The following CDH9 variants were observed in gnomAD, a reference collection of about 807,000 sequenced individuals.
CDH9 encodes the protein cadherin-9.
CDH9 carries 28 observed loss-of-function variants against 70.9 expected under a neutral mutation model. The observed-to-expected ratio is 0.40, with a 90% CI of 0.29 to 0.54. The LOEUF (loss-of-function observed/expected upper bound fraction) is 0.54, where lower values mean the gene tolerates loss of function less well. Among genes scored for constraint, CDH9 ranks in the 20% least tolerant of loss-of-function variants. The probability of loss-of-function intolerance (pLI) is 0.59; values close to 1 mark genes in which losing one functional copy is unlikely to be tolerated. For synonymous variants in CDH9, 409 were observed against 343.1 expected, an observed-to-expected ratio of 1.19 and a Z score of -2.12; for missense variants, 874 against 984.4, an observed-to-expected ratio of 0.89 and a Z score of 1.50.
chr5:26,939,594 T>G (rs183821349), intron 2 of CDH9, among the ~76,000 whole-genome samples: 1 of 152,094 alleles, frequency 6.6e-6, no homozygotes, highest in Non-Finnish European at 1.5e-5. Context: ...ATGTGTGAAT[T>G]TATTCAAAAA....
intron 1 of CDH9, among the ~76,000 whole-genome samples, chr5:26,992,093 C>A (rs1742587926): frequency 6.6e-6 from 1 of 152,108 alleles, no homozygotes; most frequent in Admixed American, 6.5e-5. Flanking sequence ...CAGCACGCAA[C>A]CTAGATCCCT....
intron 1 of CDH9, among the ~76,000 whole-genome samples, chr5:27,008,310 T>G (rs1320373910): frequency 6.6e-6 from 1 of 151,944 alleles, no homozygotes; most frequent in Non-Finnish European, 1.5e-5. Flanking sequence ...GCCAACATGA[T>G]GAAACCCCAT....
At chr5:27,036,039 A>G (rs776233431) in intron 1 of CDH9, among the ~76,000 whole-genome samples, 8 of 151,976 alleles carry the variant, frequency 5.3e-5, no homozygotes, top group Admixed American at 2.6e-4. Flanking sequence ...ATATGTTGCC[A>G]CATTAATTGC....
intron 2 of CDH9, among the ~76,000 whole-genome samples, chr5:26,966,733 T>C (rs982136456): frequency 2.0e-5 from 3 of 152,172 alleles, no homozygotes; most frequent in Non-Finnish European, 4.4e-5. Flanking sequence ...TTAAGCTCTG[T>C]GATATTACAT....
chr5:26,946,297 ATTGT>A (rs1741751940), intron 2 of CDH9, among the ~76,000 whole-genome samples: 1 of 151,980 alleles, frequency 6.6e-6, no homozygotes, highest in Admixed American at 6.6e-5. Context: ...TGCATTCTTG[ATTGT>A]TTGTATGCTT....
intron 2 of CDH9, among the ~76,000 whole-genome samples, chr5:26,922,774 TAAAA>T (rs777471100): frequency 3.3e-5 from 5 of 151,734 alleles, no homozygotes; most frequent in Non-Finnish European, 5.9e-5. Context: ...AACAACCAAT[TAAAA>T]ATAACTACAA....
chr5:27,020,047 C>T (rs966356096), intron 1 of CDH9, among the ~76,000 whole-genome samples: 4 of 151,688 alleles, frequency 2.6e-5, no homozygotes, highest in African/African-American at 9.7e-5. Flanking sequence ...TTTGTTCTGA[C>T]TGCACTGTGA....
chr5:26,968,810 A>G (rs1742170542), intron 2 of CDH9, among the ~76,000 whole-genome samples: 2 of 152,188 alleles, frequency 1.3e-5, no homozygotes, highest in South Asian at 4.1e-4. Flanking sequence ...GGATAGAAGT[A>G]TTAGTACTGT....
rs143657221 is a variant in CDH9, at chr5:26,945,320, G to A, written c.229-29396C>T. ...TCTTACAAGCTTTAACTCAAGAATT[G>A]TTTTATTTTTTCATTAAAATAATGC... On this transcript the variant is annotated intron_variant, in intron 2 of 11. Coordinates refer to ENST00000231021, the MANE Select transcript of CDH9 (RefSeq NM_016279.4). 1.0e-3 allele frequency among the ~76,000 whole-genome samples: 157 copies of A among 151,056 alleles called. 2 individuals carry two copies. The East Asian group carries it at 0.022, about 22-fold the overall frequency.
At position 26,915,884 on chromosome 5, in the gene CDH9, T is replaced by G. The variant is rs776446452; in HGVS notation, c.269A>C (p.Tyr90Ser). 6.2e-7 allele frequency: 1 copy of G among 1,612,100 alleles called. No homozygotes were observed. ...DQDKGDGNLK[Y>S]ILTGDGAGSL... ...GCCAGCCCCATCTCCTGTTAGTATG[T>G]ATTTTAAATTTCCATCTCCTTTATC... is the stretch of plus-strand genomic sequence containing the variant. Residue 90 changes from tyrosine to serine, a missense_variant, in exon 3 of 12, where the codon TAC becomes TCC. Coordinates refer to ENST00000231021, the MANE Select transcript of CDH9 (RefSeq NM_016279.4).
At chr5:26,933,324 G>A (rs892241356) in intron 2 of CDH9, among the ~76,000 whole-genome samples, 7 of 151,154 alleles carry the variant, frequency 4.6e-5, no homozygotes, top group African/African-American at 1.7e-4. Context: ...CCATCCTCTA[G>A]AACCATGAAA....
chr5:26,901,505 T>C (rs1488370567), intron 7 of CDH9, among the ~76,000 whole-genome samples: 2 of 151,902 alleles, frequency 1.3e-5, no homozygotes, highest in African/African-American at 4.8e-5. Context: ...AATTAAATGG[T>C]TATATATTTA....
chr5:26,939,544 G>A (rs1641563631), intron 2 of CDH9, among the ~76,000 whole-genome samples: 1 of 151,618 alleles, frequency 6.6e-6, no homozygotes, highest in African/African-American at 2.4e-5. Flanking sequence ...GATTATAGAT[G>A]ATGTTGGGAA....
chr5:26,906,774 T>G lies in CDH9; in HGVS notation c.588A>C (p.Lys196Asn). The change falls in exon 4 of 12, where the codon AAA (lysine) becomes AAC (asparagine). Residue 196 changes from lysine (K) to asparagine (N), a missense_variant. Transcript: ENST00000231021. ...GTCCTTGCAATATGCTATAGACCAC[T>G]TTGGCACTATTTCCATAGTTGGCGT... ...ADDANYGNSA[K>N]VVYSILQGQP... 2 of 1,613,196 alleles carry G rather than the reference T, an allele frequency of 1.2e-6. No individual in the cohort carries two copies. The highest frequency in any genetic ancestry group is 1.7e-6 in the Non-Finnish European group (2 of 1,179,500).
intron 2 of CDH9, among the ~76,000 whole-genome samples, chr5:26,958,830 A>G (rs1164160045): frequency 2.0e-5 from 3 of 152,178 alleles, no homozygotes; most frequent in Non-Finnish European, 1.5e-5. Flanking sequence ...AAAAATAAGG[A>G]TATAAATAAA....
intron 2 of CDH9, among the ~76,000 whole-genome samples, chr5:26,961,207 A>T (rs1484553700): frequency 5.3e-5 from 8 of 152,158 alleles, no homozygotes; most frequent in Admixed American, 5.2e-4. Context: ...ACACTGTGGA[A>T]TGACTAAATC....
intron 3 of CDH9, 138 bp from the exon 4 acceptor site, chr5:26,906,976 C>T (rs1214054573): frequency 7.9e-7 from 1 of 1,265,214 alleles, no homozygotes; most frequent in Non-Finnish European, 1.0e-6. Flanking sequence ...TAAATACTTC[C>T]TCAAAAAAGT....
rs577816803 is a variant in CDH9 at position 27,027,711 on chromosome 5, C to T, written c.-50+10752G>A. 3.3e-5 allele frequency among the ~76,000 whole-genome samples: 5 copies of T among 152,078 alleles called. No individual in the cohort carries two copies. In the East Asian group the frequency reaches 9.8e-4, roughly 30 times the overall value. On this transcript the variant is annotated intron_variant, in intron 1 of 11. Transcript: ENST00000231021. ...AACTTCTTGTTTACTACATTTTATACATGGGACAATTTGCACCCAGAAGTA... is the reference window on the plus strand; with the variant it reads ...AACTTCTTGTTTACTACATTTTATATATGGGACAATTTGCACCCAGAAGTA...
chr5:27,037,965 T>C (rs576682275), intron 1 of CDH9, among the ~76,000 whole-genome samples: 1 of 152,062 alleles, frequency 6.6e-6, no homozygotes, highest in Non-Finnish European at 1.5e-5. Flanking sequence ...ATTTATAATA[T>C]TGAAAATAAA....
Sources: allele counts gnomAD v4.1 joint callset (sites outside exome capture counted in the v4.1 genomes callset), GRCh38; gene constraint gnomAD v4.1.1; transcripts MANE v1.5; gene names NCBI Gene and HGNC (gene_info 2026-07-23, HGNC 2026-07-21).